MBTPS1: variants seen among roughly 807,000 people sequenced by gnomAD.
MBTPS1 encodes the protein membrane-bound transcription factor site-1 protease.
Under a neutral mutation model 127.8 loss-of-function variants are expected in MBTPS1, and 94 were observed. The ratio of observed to expected loss-of-function variants is 0.74; its 90% CI spans 0.62 to 0.87. The LOEUF is 0.87. Ranked by LOEUF, MBTPS1 falls within the 40% of genes least tolerant of loss-of-function variation. MBTPS1 has a pLI of 0.00. For synonymous variants in MBTPS1, 632 were observed against 509.4 expected (o/e 1.24, Z -3.24); for missense variants, 1,636 against 1,353.2 (o/e 1.21, Z -3.28).
intron 4 of MBTPS1, 85 bp downstream of exon 4, chr16:84,095,517 C>T: frequency 1.4e-6 from 2 of 1,422,194 alleles, no homozygotes; most frequent in Non-Finnish European, 9.8e-7. Context: ...GGAATTCCTG[C>T]ATGTCTGGAC....
intron 14 of MBTPS1, among the ~76,000 whole-genome samples, chr16:84,069,620 T>C: frequency 6.6e-6 from 1 of 152,190 alleles, no homozygotes; most frequent in East Asian, 1.9e-4. Context: ...CTTTGCTGAC[T>C]GGCGCAATGG....
At chr16:84,111,561 A>C (rs1025994687) in intron 1 of MBTPS1, among the ~76,000 whole-genome samples, 10 of 152,066 alleles carry the variant, frequency 6.6e-5, no homozygotes, top group Non-Finnish European at 1.2e-4. Flanking sequence ...AAGAAAAAAG[A>C]AAGCAATCAA....
intron 1 of MBTPS1, among the ~76,000 whole-genome samples, chr16:84,105,511 T>C (rs137978223): frequency 1.3e-5 from 2 of 152,208 alleles, no homozygotes; most frequent in East Asian, 3.9e-4. Context: ...TGGAAGAATC[T>C]GAGCTCAGTA....
intron 18 of MBTPS1, among the ~76,000 whole-genome samples, chr16:84,064,109 G>A (rs929422380): frequency 1.3e-5 from 2 of 151,968 alleles, no homozygotes; most frequent in African/African-American, 4.8e-5. Context: ...CATCATCAGT[G>A]GCACCACCAG....
chr16:84,095,461 A>G (rs2086165575), intron 4 of MBTPS1, 141 bp downstream of exon 4: 1 of 783,948 alleles, frequency 1.3e-6, no homozygotes, highest in Non-Finnish European at 2.0e-6. Context: ...TAAGAAGGTT[A>G]GATGTGGAAG....
At chr16:84,095,996 A>G (rs1042334844) in intron 3 of MBTPS1, among the ~76,000 whole-genome samples, 191 bp from the exon 4 acceptor site, 2 of 152,314 alleles carry the variant, frequency 1.3e-5, no homozygotes, top group African/African-American at 4.8e-5. Context: ...TTTAGCTGTC[A>G]TATTACTCCC....
In MBTPS1 at chr16:84,054,109, G is replaced by T. The variant is rs928008509; in HGVS notation, c.*340C>A. 2.5e-5 allele frequency: 5 copies of T among 198,846 alleles called. No individual in the cohort carries two copies. Among genetic ancestry groups the T allele is most frequent in the Middle Eastern group, 4.6e-4 (1 of 2,190 alleles). The allele number at this position is 198,846 out of a possible 1,614,324, so 12.3% of individuals were successfully genotyped here. The stretch of plus-strand genomic sequence containing the variant: ...ACAAGCGTCTTTTAGCTTGGTCAGG[G>T]TTGTATCATTTGTTTGGAAAGTACA... On this transcript the variant is annotated 3_prime_UTR_variant, in exon 23 of 23. Coordinates refer to ENST00000343411, the MANE Select transcript of MBTPS1 (RefSeq NM_003791.4).
intron 8 of MBTPS1, among the ~76,000 whole-genome samples, chr16:84,089,415 T>C (rs1298523855): frequency 6.6e-6 from 1 of 152,264 alleles, no homozygotes; most frequent in East Asian, 1.9e-4. Flanking sequence ...CCTAGAATAC[T>C]GAAGACCTTG....
chr16:84,098,961 G>C (rs2086216380), intron 3 of MBTPS1, 92 bp downstream of exon 3: 2 of 1,212,170 alleles, frequency 1.6e-6, no homozygotes, highest in East Asian at 2.3e-5. Flanking sequence ...GAAGGATGCG[G>C]ATACTCACTG....
At chr16:84,060,016 T>C (rs1273829898) in intron 20 of MBTPS1, 1 of 152,618 alleles carries the variant, frequency 6.6e-6, no homozygotes, top group African/African-American at 2.4e-5. Flanking sequence ...TGGAAAATTT[T>C]AAATGATGCC....
chr16:84,069,291 C>A (rs28421568), intron 14 of MBTPS1, among the ~76,000 whole-genome samples: 23,277 of 152,190 alleles, frequency 0.15, 1,959 homozygotes, highest in Non-Finnish European at 0.2. Flanking sequence ...ACAGGGAGAG[C>A]GGCTATGGGG....
In MBTPS1 at chr16:84,065,715, C is replaced by G; in HGVS notation, c.2406G>C (p.Val802=). The part of the protein sequence containing the change: ...SIAKFPEDGV[V]ITQTFKDQGL... ...CTTGGTCCTTGAAAGTCTGTGTTAT[C>G]ACGACGCCATCTTCTGGAAACTTCG... Residue 802 remains valine, a synonymous_variant, in exon 18 of 23, where the codon GTG becomes GTC. Transcript: ENST00000343411. 6.2e-7 allele frequency: 1 copy of G among 1,612,678 alleles called. No individual in the cohort carries two copies. The highest frequency in any genetic ancestry group is 1.1e-5 in the South Asian group (1 of 90,798).
chr16:84,054,251 C>A lies in MBTPS1; in HGVS notation c.*198G>T. ...GGCAGAGCCACTAAGTCCCTCCTGACGGGATCCACAGGAATCTTCTCGATG... is the reference window on the plus strand; with the variant it reads ...GGCAGAGCCACTAAGTCCCTCCTGAAGGGATCCACAGGAATCTTCTCGATG... On this transcript the variant is annotated 3_prime_UTR_variant, in exon 23 of 23. Transcript: ENST00000343411. 2.3e-6 allele frequency: 1 copy of A among 428,818 alleles called. No homozygotes were observed. The highest frequency in any genetic ancestry group is 4.1e-6 in the Non-Finnish European group (1 of 244,046). The allele number at this position is 428,818 out of a possible 1,614,324, so 26.6% of individuals were successfully genotyped here.
chr16:84,074,673 T>C lies in MBTPS1; in HGVS notation c.1517A>G (p.Tyr506Cys), dbSNP rs200315038. Residue 506 changes from tyrosine (Y) to cysteine (C), a missense_variant, in exon 12 of 23, where the codon TAC becomes TGC. Transcript: ENST00000343411. Reference protein sequence around the residue: ...YMWPYCSQPIYYGGMPTVVNV... With the variant: ...YMWPYCSQPICYGGMPTVVNV... ...AACAACTGTCGGCATTCCTCCATAG[T>C]AGATGGGCTGGGAGCAGTAGGGCCA... is the stretch of plus-strand genomic sequence containing the variant. The C allele has an allele frequency of 6.2e-7, 1 of 1,614,110 alleles. No individual in the cohort carries two copies. Among genetic ancestry groups the C allele is most frequent in the East Asian group, 2.2e-5 (1 of 44,880 alleles).
intron 4 of MBTPS1, among the ~76,000 whole-genome samples, chr16:84,095,037 T>G (rs1217535361): frequency 6.6e-6 from 1 of 152,138 alleles, no homozygotes; most frequent in African/African-American, 2.4e-5. Flanking sequence ...AAGGGAAAAA[T>G]CCTTATTGTT....
chr16:84,068,294 A>T, intron 15 of MBTPS1, 45 bp downstream of exon 15: 3 of 1,266,164 alleles, frequency 2.4e-6, no homozygotes, highest in Non-Finnish European at 3.5e-6. Context: ...CAAACATCCA[A>T]AGTGGGCGGA....
intron 10 of MBTPS1, among the ~76,000 whole-genome samples, chr16:84,084,757 T>C (rs1216606996): frequency 6.6e-6 from 1 of 152,202 alleles, no homozygotes; most frequent in Non-Finnish European, 1.5e-5. Context: ...CAGCACTTTG[T>C]TTACTTAGGC....
chr16:84,095,842 C>T (rs779613589), intron 3 of MBTPS1, 37 bp from the exon 4 acceptor site: 1 of 1,558,642 alleles, frequency 6.4e-7, no homozygotes, highest in Admixed American at 1.7e-5. Flanking sequence ...AACAGAAGAG[C>T]AAAACGAACT....
In MBTPS1 at chr16:84,101,817, T is replaced by A; in HGVS notation, c.-34A>T. ...GCGAATATGATCATAAAATTGCATA[T>A]ATTCAAATCACACTTTTTTCTTCTT... On this transcript the variant is annotated 5_prime_UTR_variant, in exon 2 of 23. Transcript: ENST00000343411. 2 of 1,576,322 alleles carry A rather than the reference T, an allele frequency of 1.3e-6. No individual in the cohort carries two copies. The highest frequency in any genetic ancestry group is 1.7e-6 in the Non-Finnish European group (2 of 1,157,280).
Sources: allele counts gnomAD v4.1 joint callset (sites outside exome capture counted in the v4.1 genomes callset), GRCh38; gene constraint gnomAD v4.1.1; transcripts MANE v1.5; gene names NCBI Gene and HGNC (gene_info 2026-07-23, HGNC 2026-07-21).